TMEM41A: variants seen among roughly 807,000 people sequenced by gnomAD.
TMEM41A encodes the protein transmembrane protein 41A.
A neutral mutation model predicts 25.7 loss-of-function variants in TMEM41A; 20 were observed. That is an observed-to-expected ratio of 0.78 (90% confidence interval 0.55 to 1.13). The LOEUF is 1.13. TMEM41A is among the 50% of genes most tolerant of loss of function. The pLI, the probability that TMEM41A is intolerant of heterozygous loss-of-function variation, is 0.00. For missense variants in TMEM41A, 299 were observed against 314.3 expected, an observed-to-expected ratio of 0.95 and a Z score of 0.37; for synonymous variants, 133 against 139.6, an observed-to-expected ratio of 0.95 and a Z score of 0.33.
chr3:185,495,494 A>G, intron 2 of TMEM41A, 179 bp from the exon 3 acceptor site: 1 of 637,956 alleles, frequency 1.6e-6, no homozygotes, highest in Non-Finnish European at 2.7e-6. Flanking sequence ...AGGCTGGAGT[A>G]CAGTGACATG....
In TMEM41A at chr3:185,490,006, G is replaced by C. The variant is rs1718898627; in HGVS notation, c.*1531C>G. 2 of 152,170 alleles carry C rather than the reference G, an allele frequency of 1.3e-5. No individual in the cohort carries two copies. The allele number at this position is 152,170 out of a possible 1,614,324, so 9.4% of individuals were successfully genotyped here. A position where few individuals can be genotyped will look rare whatever the true frequency, so the allele number is the denominator to read the frequency against. ...GAGGCATAGATTAAAGTCTTGGCAA[G>C]ACTCTTGGCCAAACCAAATCATCAA... On this transcript the variant is annotated 3_prime_UTR_variant, in exon 5 of 5. Coordinates refer to ENST00000421852, the MANE Select transcript of TMEM41A (RefSeq NM_080652.4).
intron 2 of TMEM41A, chr3:185,496,297 C>A: frequency 5.0e-6 from 1 of 199,578 alleles, no homozygotes; most frequent in Non-Finnish European, 1.1e-5. Context: ...TCACTACATC[C>A]CTGAGTCATG....
At chr3:185,498,632 C>A in intron 1 of TMEM41A, 1 of 537,384 alleles carries the variant, frequency 1.9e-6, no homozygotes, top group Non-Finnish European at 3.2e-6. Flanking sequence ...AGGTCCCAGT[C>A]AGGCCCGGAG....
At position 185,498,862 on chromosome 3, in the gene TMEM41A, T is replaced by C; in HGVS notation, c.100A>G (p.Thr34Ala). The change falls in exon 1 of 5, where the codon ACC becomes GCC. Residue 34 changes from threonine to alanine, a missense_variant. By Grantham distance (58) the Thr-to-Ala change is moderately conservative. Coordinates refer to ENST00000421852, the MANE Select transcript of TMEM41A (RefSeq NM_080652.4). ...ACGCACCTGCCTCCAGCCTCCTCGG[T>C]GGAGCCCAGTCTCCGCCCGCGGGGC... Reference protein sequence around the residue: ...RLPRGRRLGSTEEAGGRSLWF... With the variant: ...RLPRGRRLGSAEEAGGRSLWF... 1 of 1,604,658 alleles carries C rather than the reference T, an allele frequency of 6.2e-7. No individual in the cohort carries two copies. Among genetic ancestry groups the C allele is most frequent in the Non-Finnish European group, 8.5e-7 (1 of 1,176,764 alleles).
Position 185,491,366 on chromosome 3 carries a change from T to C in TMEM41A, c.*171A>G, listed in dbSNP as rs928540571. 1 of 589,032 alleles carries C rather than the reference T, an allele frequency of 1.7e-6. No homozygotes were observed. Among genetic ancestry groups the C allele is most frequent in the Admixed American group, 3.0e-5 (1 of 33,792 alleles). 36.5% of individuals were successfully genotyped at this position (589,032 alleles called of 1,614,324 possible). A position where few individuals can be genotyped will look rare whatever the true frequency, so the allele number is the denominator to read the frequency against. ...CCAGGGCTGGTTTGAAAACCTGATG[T>C]AATACACCTTCAAGAGCAGAGTGTC... On this transcript the variant is annotated 3_prime_UTR_variant, in exon 5 of 5. Transcript: ENST00000421852.
At position 185,495,410 on chromosome 3, in the gene TMEM41A, A is replaced by G. The variant is rs140086376; in HGVS notation, c.274-95T>C. 2.4e-6 allele frequency: 3 copies of G among 1,234,988 alleles called. No individual in the cohort carries two copies. The African/African-American group carries it at 4.6e-5, about 19-fold the overall frequency. 76.5% of individuals were successfully genotyped at this position (1,234,988 alleles called of 1,614,324 possible). ...AGAGTCATAGGTTCCCTCCTCCTTC[A>G]CTGCTTTTTTCCAGCTAAAACCCAA... On this transcript the variant is annotated intron_variant, in intron 2 of 4. Transcript: ENST00000421852.
intron 1 of TMEM41A, among the ~76,000 whole-genome samples, chr3:185,497,878 C>A (rs1719148494): frequency 1.3e-5 from 2 of 152,186 alleles, no homozygotes; most frequent in African/African-American, 4.8e-5. Flanking sequence ...CACTTCCATG[C>A]ACTTTATAAA....
Position 185,490,033 on chromosome 3 carries a change from C to G in TMEM41A, c.*1504G>C, listed in dbSNP as rs1475171873. On this transcript the variant is annotated 3_prime_UTR_variant, in exon 5 of 5. Coordinates refer to ENST00000421852, the MANE Select transcript of TMEM41A (RefSeq NM_080652.4). ...CTCTTGGCCAAACCAAATCATCAAC[C>G]CAGCAGATGATGCCCAAAAGCAGCA... The G allele has an allele frequency of 6.6e-6, 1 of 152,144 alleles. No individual in the cohort carries two copies. The highest frequency in any genetic ancestry group is 1.5e-5 in the Non-Finnish European group (1 of 68,042). The allele number at this position is 152,144 out of a possible 1,614,324, so 9.4% of individuals were successfully genotyped here.
In TMEM41A at chr3:185,498,914, G is replaced by T; in HGVS notation, c.48C>A (p.Phe16Leu). 6.2e-7 allele frequency: 1 copy of T among 1,606,176 alleles called. No individual in the cohort carries two copies. The highest frequency in any genetic ancestry group is 1.1e-5 in the South Asian group (1 of 89,558). ...GLLLVFAGCT[F>L]ALYLLSTRLP... ...GTCGCGTCGACAGCAAGTACAAGGC[G>T]AAGGTGCAGCCGGCGAAGACCAGAA... The change falls in exon 1 of 5, where the codon TTC (phenylalanine) becomes TTA (leucine). Residue 16 changes from phenylalanine (F) to leucine (L), a missense_variant. Physicochemically the swap from Phe to Leu is conservative, Grantham distance 22. Transcript: ENST00000421852.
intron 4 of TMEM41A, chr3:185,492,436 T>C (rs762907592): frequency 2.6e-5 from 4 of 152,162 alleles, no homozygotes; most frequent in African/African-American, 4.8e-5. Flanking sequence ...GGGCCCCAAA[T>C]TTGGTTCTGA....
chr3:185,498,597 G>A, intron 1 of TMEM41A: 1 of 445,164 alleles, frequency 2.2e-6, no homozygotes, highest in African/African-American at 2.1e-5. Flanking sequence ...GTGACGCCCT[G>A]CACACCCTGC....
At chr3:185,497,338 C>G (rs1411150193) in intron 1 of TMEM41A, among the ~76,000 whole-genome samples, 1 of 152,172 alleles carries the variant, frequency 6.6e-6, no homozygotes, top group Non-Finnish European at 1.5e-5. Context: ...TCTTAAGAGG[C>G]AAATGGATTC....
At chr3:185,494,470 T>A in intron 4 of TMEM41A, 153 bp downstream of exon 4, 1 of 893,730 alleles carries the variant, frequency 1.1e-6, no homozygotes, top group Non-Finnish European at 1.6e-6. Flanking sequence ...AGATCTGAAA[T>A]CAGGAATCAT....
rs1287107656 is a variant in TMEM41A, at chr3:185,494,726, T to C, written c.471A>G (p.Leu157=). ...TCATGGGGAAAAGTCTCAAAAACAA[T>C]AAGAAAAAAAACAAGCTGTTTCTGT... The part of the protein sequence containing the change: ...EENRNSLFFF[L]LFLRLFPMTP... Residue 157 remains leucine, a synonymous_variant, in exon 4 of 5, where the codon TTA becomes TTG. Transcript: ENST00000421852. 6.2e-7 allele frequency: 1 copy of C among 1,607,718 alleles called. No individual in the cohort carries two copies. Among genetic ancestry groups the C allele is most frequent in the Non-Finnish European group, 8.5e-7 (1 of 1,177,194 alleles).
Position 185,498,877 on chromosome 3 carries a change from G to C in TMEM41A, c.85C>G (p.Arg29Gly). Residue 29 changes from arginine to glycine, a missense_variant, in exon 1 of 5, where the codon CGG becomes GGG. Arg to Gly is a moderately radical substitution (Grantham distance 125, BLOSUM62 -2). Coordinates refer to ENST00000421852, the MANE Select transcript of TMEM41A (RefSeq NM_080652.4). Reference sequence around the variant, plus strand: ...GCCTCCTCGGTGGAGCCCAGTCTCCGCCCGCGGGGCAGTCGCGTCGACAGC... The same window carrying C: ...GCCTCCTCGGTGGAGCCCAGTCTCCCCCCGCGGGGCAGTCGCGTCGACAGC... ...YLLSTRLPRG[R>G]RLGSTEEAGG... 3 of 1,605,860 alleles carry C rather than the reference G, an allele frequency of 1.9e-6. No homozygotes were observed. The highest frequency in any genetic ancestry group is 2.5e-6 in the Non-Finnish European group (3 of 1,177,104).
intron 1 of TMEM41A, among the ~76,000 whole-genome samples, chr3:185,497,523 T>A (rs1285116591): frequency 1.3e-5 from 2 of 152,236 alleles, no homozygotes; most frequent in Non-Finnish European, 2.9e-5. Context: ...ATCTATCCCA[T>A]AGGATAAATG....
chr3:185,497,069 A>G (rs757676403), intron 1 of TMEM41A, 88 bp from the exon 2 acceptor site: 35 of 1,463,960 alleles, frequency 2.4e-5, no homozygotes, highest in Non-Finnish European at 3.1e-5. Flanking sequence ...TTTTCAGAGT[A>G]GGTTTATAAA....
At chr3:185,496,745 CA>C in intron 2 of TMEM41A, 82 bp downstream of exon 2, 1 of 1,513,216 alleles carries the variant, frequency 6.6e-7, no homozygotes, top group Non-Finnish European at 8.9e-7. Context: ...ATCATCCCCA[CA>C]CAACAATCCC....
Position 185,489,876 on chromosome 3 carries a change from T to C in TMEM41A, c.*1661A>G, listed in dbSNP as rs1718892823. 1 of 152,188 alleles carries C rather than the reference T, an allele frequency of 6.6e-6. No individual in the cohort carries two copies. The allele number at this position is 152,188 out of a possible 1,614,324, so 9.4% of individuals were successfully genotyped here. ...TTTTAAAGAAACACGTTTTAAACAA[T>C]GAAATCCTCGGTGTGAAAGGATCAT... On this transcript the variant is annotated 3_prime_UTR_variant, in exon 5 of 5. Coordinates refer to ENST00000421852, the MANE Select transcript of TMEM41A (RefSeq NM_080652.4).
Sources: allele counts gnomAD v4.1 joint callset (sites outside exome capture counted in the v4.1 genomes callset), GRCh38; gene constraint gnomAD v4.1.1; transcripts MANE v1.5; gene names NCBI Gene and HGNC (gene_info 2026-07-23, HGNC 2026-07-21).